Variants in STAMBPL1 observed in about 807,000 individuals in gnomAD.
STAMBPL1 encodes the protein STAM binding protein like 1.
In STAMBPL1, 44 loss-of-function variants were observed where a neutral mutation model predicts 52.9. The observed-to-expected ratio is 0.83, with a 90% CI of 0.65 to 1.07. STAMBPL1 has a LOEUF of 1.07. Ranked by LOEUF, STAMBPL1 falls within the 50% of genes least tolerant of loss-of-function variation. The pLI is 0.00. For missense variants in STAMBPL1, 511 were observed against 520.8 expected (o/e 0.98, Z 0.18); for synonymous variants, 164 against 177.3 (o/e 0.92, Z 0.60).
chr10:88,894,323 C>A (rs1394007201), intron 1 of STAMBPL1, among the ~76,000 whole-genome samples: 8 of 151,894 alleles, frequency 5.3e-5, no homozygotes, highest in Non-Finnish European at 1.0e-4. Flanking sequence ...TCCAGTTAGC[C>A]AGGGAACGAA....
intron 1 of STAMBPL1, chr10:88,893,905 A>T (rs1049922082): frequency 2.0e-5 from 3 of 151,942 alleles, no homozygotes; most frequent in African/African-American, 7.3e-5. Flanking sequence ...GATTTTCCTG[A>T]TTATTATGAG....
intron 1 of STAMBPL1, among the ~76,000 whole-genome samples, chr10:88,887,546 A>G (rs1160319439): frequency 6.6e-6 from 1 of 152,136 alleles, no homozygotes; most frequent in Admixed American, 6.5e-5. Context: ...ATATCTTTTT[A>G]AAACAAGGGT....
chr10:88,895,861 G>A (rs562703320), intron 1 of STAMBPL1, among the ~76,000 whole-genome samples: 1 of 152,120 alleles, frequency 6.6e-6, no homozygotes, highest in South Asian at 2.1e-4. Context: ...TTATTTTATG[G>A]CCCAGTATGT....
chr10:88,911,346 A>T (rs1291430347), intron 5 of STAMBPL1, among the ~76,000 whole-genome samples: 1 of 152,208 alleles, frequency 6.6e-6, no homozygotes, highest in Non-Finnish European at 1.5e-5. Flanking sequence ...AGCCAGTAGG[A>T]GGTAGGGAGA....
chr10:88,893,614 G>GC (rs1844741306), intron 1 of STAMBPL1, among the ~76,000 whole-genome samples: 1 of 152,134 alleles, frequency 6.6e-6, no homozygotes, highest in Non-Finnish European at 1.5e-5. Flanking sequence ...GGTAGTGCAT[G>GC]CCTGTAATCC....
At chr10:88,908,858 C>A in intron 4 of STAMBPL1, 81 bp downstream of exon 4, 1 of 1,115,904 alleles carries the variant, frequency 9.0e-7, no homozygotes, top group East Asian at 2.7e-5. Flanking sequence ...CCTTCCTCCC[C>A]TTTCTCTTTC....
chr10:88,890,490 T>C (rs1844651813), intron 1 of STAMBPL1, among the ~76,000 whole-genome samples: 2 of 152,114 alleles, frequency 1.3e-5, no homozygotes, highest in African/African-American at 4.8e-5. Flanking sequence ...ACCTGCAGTT[T>C]TGAGAGATGT....
At chr10:88,882,508 G>A (rs1479429982) in intron 1 of STAMBPL1, 1 of 152,188 alleles carries the variant, frequency 6.6e-6, no homozygotes, top group Non-Finnish European at 1.5e-5. Context: ...CAAGAAATGA[G>A]ATTGCATTTT....
At chr10:88,888,848 A>G (rs1047494499) in intron 1 of STAMBPL1, among the ~76,000 whole-genome samples, 8 of 152,234 alleles carry the variant, frequency 5.3e-5, no homozygotes, top group East Asian at 3.8e-4. Flanking sequence ...GTCTGATTAC[A>G]TAAAGTGATA....
At chr10:88,884,834 T>A (rs1158568870) in intron 1 of STAMBPL1, among the ~76,000 whole-genome samples, 1 of 152,224 alleles carries the variant, frequency 6.6e-6, no homozygotes, top group East Asian at 1.9e-4. Flanking sequence ...AACAGGATAC[T>A]TTTTCCCCAC....
intron 2 of STAMBPL1, among the ~76,000 whole-genome samples, chr10:88,902,020 A>T (rs995661690): frequency 6.6e-6 from 1 of 152,222 alleles, no homozygotes; most frequent in African/African-American, 2.4e-5. Flanking sequence ...AGAATTTCAG[A>T]GTTGATATCT....
chr10:88,903,688 C>T (rs541742024), intron 2 of STAMBPL1, among the ~76,000 whole-genome samples: 16 of 152,186 alleles, frequency 1.1e-4, no homozygotes, highest in Admixed American at 7.9e-4. Flanking sequence ...GTTCTATAGC[C>T]GAGTGTGGTT....
At chr10:88,882,846 C>G (rs1275773222) in intron 1 of STAMBPL1, 2 of 152,088 alleles carry the variant, frequency 1.3e-5, no homozygotes, top group Non-Finnish European at 2.9e-5. Context: ...AAATAAATGA[C>G]AAATTTTAGA....
intron 1 of STAMBPL1, among the ~76,000 whole-genome samples, chr10:88,888,513 G>A (rs1045233366): frequency 6.6e-6 from 1 of 152,210 alleles, no homozygotes; most frequent in African/African-American, 2.4e-5. Context: ...ATGCAGTAGG[G>A]TTCTCCAACT....
At chr10:88,881,891 T>C (rs542216970) in intron 1 of STAMBPL1, among the ~76,000 whole-genome samples, 10 of 152,358 alleles carry the variant, frequency 6.6e-5, no homozygotes, top group Admixed American at 3.9e-4. Flanking sequence ...TACAAGTTAA[T>C]GTGTCGCTGA....
intron 1 of STAMBPL1, among the ~76,000 whole-genome samples, chr10:88,883,675 C>T (rs1731794546): frequency 6.6e-6 from 1 of 152,200 alleles, no homozygotes; most frequent in African/African-American, 2.4e-5. Flanking sequence ...GTTTGATGCT[C>T]TAACTTTTAA....
intron 1 of STAMBPL1, among the ~76,000 whole-genome samples, chr10:88,897,235 G>A (rs1394965430): frequency 6.6e-6 from 1 of 152,192 alleles, no homozygotes; most frequent in African/African-American, 2.4e-5. Flanking sequence ...TGCTCAGTTG[G>A]TTCTGGGAGC....
chr10:88,896,921 GA>G (rs970969734), intron 1 of STAMBPL1, among the ~76,000 whole-genome samples: 17 of 152,120 alleles, frequency 1.1e-4, no homozygotes, highest in Non-Finnish European at 2.4e-4. Context: ...AATTAAGGCT[GA>G]AAAAATCACA....
At chr10:88,884,239 T>C (rs1844474148) in intron 1 of STAMBPL1, among the ~76,000 whole-genome samples, 1 of 152,212 alleles carries the variant, frequency 6.6e-6, no homozygotes. Context: ...ACACAGCTAT[T>C]CTCTGCATAA....
Sources: allele counts gnomAD v4.1 joint callset (sites outside exome capture counted in the v4.1 genomes callset), GRCh38; gene constraint gnomAD v4.1.1; transcripts MANE v1.5; gene names NCBI Gene and HGNC (gene_info 2026-07-23, HGNC 2026-07-21).